The following IARS2 variants were observed in gnomAD, a reference collection of about 807,000 sequenced individuals.
IARS2 encodes the protein isoleucyl-tRNA synthetase 2, mitochondrial, also known as isoleucine--tRNA ligase, mitochondrial.
Under a neutral mutation model 126.3 loss-of-function variants are expected in IARS2, and 56 were observed. The ratio of observed to expected loss-of-function variants is 0.44; its 90% confidence interval spans 0.36 to 0.55. IARS2 has a LOEUF of 0.55. Among genes scored for constraint, IARS2 ranks in the 20% least tolerant of loss-of-function variants. IARS2 has a pLI of 0.00. For synonymous variants in IARS2, 407 were observed against 441.1 expected, an observed-to-expected ratio of 0.92 and a Z score of 0.97; for missense variants, 1,127 against 1,245.9, an observed-to-expected ratio of 0.90 and a Z score of 1.44.
chr1:220,108,795 A>T (rs1656736202), intron 10 of IARS2, among the ~76,000 whole-genome samples: 1 of 145,882 alleles, frequency 6.9e-6, no homozygotes, highest in African/African-American at 2.5e-5. Flanking sequence ...TTGGGATTAT[A>T]GGTGTGAGCC....
intron 14 of IARS2, among the ~76,000 whole-genome samples, chr1:220,127,456 G>A (rs949009408): frequency 2.6e-5 from 4 of 152,204 alleles, no homozygotes; most frequent in Admixed American, 6.5e-5. Context: ...GTAGGAGAAG[G>A]CACATATTAG....
At chr1:220,095,778 G>C (rs184581823) in intron 1 of IARS2, among the ~76,000 whole-genome samples, 1 of 152,198 alleles carries the variant, frequency 6.6e-6, no homozygotes, top group Non-Finnish European at 1.5e-5. Flanking sequence ...TCAACATGTC[G>C]GGGGTGAGGA....
intron 14 of IARS2, among the ~76,000 whole-genome samples, chr1:220,132,675 G>A (rs1239803680): frequency 1.3e-5 from 2 of 150,844 alleles, no homozygotes; most frequent in African/African-American, 2.4e-5. Flanking sequence ...ACAGGTGCCC[G>A]CCACCATGCC....
chr1:220,139,766 T>G (rs1320861825), intron 18 of IARS2, among the ~76,000 whole-genome samples: 2 of 152,008 alleles, frequency 1.3e-5, no homozygotes, highest in Non-Finnish European at 2.9e-5. Context: ...AAAAAAATTG[T>G]GTTTTCTCAT....
rs2102831754 is a variant in IARS2 at position 220,125,245 on chromosome 1, C to T, written c.1649C>T (p.Thr550Ile). Residue 550 changes from threonine (T) to isoleucine (I), a missense_variant, in exon 13 of 23, where the codon ACT (threonine) becomes ATT (isoleucine). Coordinates refer to ENST00000366922, the MANE Select transcript of IARS2 (RefSeq NM_018060.4). ...KDEYLINSQT[T>I]EHIVKLVEQH... is the part of the protein sequence containing the mutation. ...TGTCCCCCCTGAAATAGCCAAACCACTGAGCATATTGTTAAACTAGTGGAA... is the reference window on the plus strand; with the variant it reads ...TGTCCCCCCTGAAATAGCCAAACCATTGAGCATATTGTTAAACTAGTGGAA... 1 of 1,610,210 alleles carries T rather than the reference C, an allele frequency of 6.2e-7. No individual in the cohort carries two copies. The highest frequency in any genetic ancestry group is 8.5e-7 in the Non-Finnish European group (1 of 1,176,896).
Position 220,142,944 on chromosome 1 carries a change from A to C in IARS2, c.2561A>C (p.Glu854Ala). 6.3e-7 allele frequency: 1 copy of C among 1,589,826 alleles called. No individual in the cohort carries two copies. Residue 854 changes from glutamate to alanine, a missense_variant and splice_region_variant, in exon 21 of 23, where the codon GAG (glutamate) becomes GCG (alanine). By Grantham distance (107) the Glu-to-Ala change is moderately radical. Transcript: ENST00000366922. ...EVFQHIPYIK[E>A]PKSVFRTGWI... is the part of the protein sequence containing the mutation. ...GTTTACTATTTTTGTTCTTCTGAAGAGCCCAAGAGTGTTTTCCGTACTGGG... is the reference window on the plus strand; with the variant it reads ...GTTTACTATTTTTGTTCTTCTGAAGCGCCCAAGAGTGTTTTCCGTACTGGG...
At chr1:220,143,344 A>T in intron 21 of IARS2, 1 of 352,300 alleles carries the variant, frequency 2.8e-6, no homozygotes, top group Non-Finnish European at 5.1e-6. Flanking sequence ...TTTAAAAAAA[A>T]GTGTCTAAAT....
rs754234340 is a variant in IARS2, at chr1:220,136,834, C to T, written c.1972C>T (p.Leu658Phe). The change falls in exon 16 of 23, where the codon CTT becomes TTT. Residue 658 changes from leucine to phenylalanine, a missense_variant. Transcript: ENST00000366922. ...YKTVIVHGFT[L>F]GEKGEKMSKS... is the part of the protein sequence containing the mutation. ...GACAGTGATTGTTCATGGATTTACC[C>T]TTGGAGAAAAGGGAGAAAAGATGTC... is the stretch of plus-strand genomic sequence containing the variant. The T allele has an allele frequency of 6.2e-7, 1 of 1,608,330 alleles. No individual in the cohort carries two copies. Among genetic ancestry groups the T allele is most frequent in the Non-Finnish European group, 8.5e-7 (1 of 1,175,348 alleles).
At chr1:220,116,002 C>G (rs1054103465) in intron 12 of IARS2, among the ~76,000 whole-genome samples, 2 of 152,152 alleles carry the variant, frequency 1.3e-5, no homozygotes, top group African/African-American at 4.8e-5. Context: ...GGCAGGATTG[C>G]TTGAAGCCAG....
At position 220,137,990 on chromosome 1, in the gene IARS2, G is replaced by A. The variant is rs143722284; in HGVS notation, c.2122G>A (p.Glu708Lys). ...GGTAGCTGATTCCAATGTCTTCACCGAAGTTGCAATTGGCCCATCCGTGCT... is the reference window on the plus strand; with the variant it reads ...GGTAGCTGATTCCAATGTCTTCACCAAAGTTGCAATTGGCCCATCCGTGCT... ...WWVADSNVFTEVAIGPSVLNA... is the reference protein window; with the variant it reads ...WWVADSNVFTKVAIGPSVLNA... Residue 708 changes from glutamate (E) to lysine (K), a missense_variant, in exon 17 of 23, where the codon GAA becomes AAA. By Grantham distance (56) the Glu-to-Lys change is moderately conservative. Transcript: ENST00000366922. 1,795 of 1,614,100 alleles carry A rather than the reference G, an allele frequency of 1.1e-3. 8 individuals are homozygous for A. The highest frequency in any genetic ancestry group is 2.8e-3 in the South Asian group (254 of 91,076).
chr1:220,096,253 TGAAAG>T, intron 2 of IARS2, 27 bp downstream of exon 2: 1 of 1,428,848 alleles, frequency 7.0e-7, no homozygotes, highest in Non-Finnish European at 9.5e-7. Flanking sequence ...TTATGACACT[TGAAAG>T]AAAGTGTTTA....
chr1:220,113,166 A>C (rs1460920414), intron 11 of IARS2, among the ~76,000 whole-genome samples: 2 of 152,122 alleles, frequency 1.3e-5, no homozygotes, highest in African/African-American at 4.8e-5. Flanking sequence ...TGCTCGGCCA[A>C]ACTCTTTAAA....
At chr1:220,107,218 C>A in intron 10 of IARS2, 67 bp downstream of exon 10, 2 of 959,218 alleles carry the variant, frequency 2.1e-6, no homozygotes, top group Non-Finnish European at 3.4e-6. Flanking sequence ...CCTTTGCTAC[C>A]TATTTTCCCT....
At chr1:220,097,824 C>T (rs1421016927) in intron 2 of IARS2, among the ~76,000 whole-genome samples, 2 of 152,280 alleles carry the variant, frequency 1.3e-5, no homozygotes, top group South Asian at 4.1e-4. Flanking sequence ...GGAGCCAGCT[C>T]CATGTGGATT....
chr1:220,109,086 A>C (rs1169914626), intron 10 of IARS2, among the ~76,000 whole-genome samples: 1 of 151,998 alleles, frequency 6.6e-6, no homozygotes, highest in Non-Finnish European at 1.5e-5. Context: ...GGGTAGGGAA[A>C]GAAACTTTAA....
intron 14 of IARS2, among the ~76,000 whole-genome samples, chr1:220,131,582 C>T (rs1657268039): frequency 6.6e-6 from 1 of 152,078 alleles, no homozygotes; most frequent in Non-Finnish European, 1.5e-5. Flanking sequence ...GAACTCCCCA[C>T]CTCAGGCGAT....
chr1:220,100,257 C>T (rs182825753), intron 2 of IARS2, among the ~76,000 whole-genome samples: 40 of 152,176 alleles, frequency 2.6e-4, no homozygotes, highest in Admixed American at 1.6e-3. Context: ...TATTTCTTAG[C>T]TCAATATAAA....
chr1:220,134,538 C>A, intron 15 of IARS2, 28 bp downstream of exon 15: 1 of 1,399,002 alleles, frequency 7.1e-7, no homozygotes, highest in African/African-American at 1.4e-5. Context: ...AACCAACCTG[C>A]TGAGTACCTG....
intron 16 of IARS2, chr1:220,137,541 G>A (rs560258554): frequency 6.1e-6 from 1 of 164,066 alleles, no homozygotes; most frequent in Non-Finnish European, 1.3e-5. Flanking sequence ...TCATTGTTTT[G>A]TGTACAGAGT....
Sources: gnomAD v4.1 joint callset for allele counts (sites outside exome capture counted in the v4.1 genomes callset) on GRCh38, gnomAD v4.1.1 for gene constraint, MANE v1.5 for transcripts, NCBI Gene and HGNC (gene_info 2026-07-23, HGNC 2026-07-21) for gene names.